Variants in PTPRD observed in about 807,000 individuals in gnomAD.
PTPRD encodes protein tyrosine phosphatase receptor type D.
In PTPRD, 34 loss-of-function variants were observed where a neutral mutation model predicts 214.5. That is an observed-to-expected ratio of 0.16 (90% CI 0.12 to 0.21). PTPRD has a LOEUF of 0.21. PTPRD is among the 10% of genes least tolerant of loss of function. PTPRD has a pLI of 1.00. For missense variants in PTPRD, 2,545 were observed against 2,398.7 expected (o/e 1.06, Z -1.27); for synonymous variants, 1,128 against 845.7 (o/e 1.33, Z -5.79).
intron 33 of PTPRD, among the ~76,000 whole-genome samples, chr9:8,456,059 G>A (rs892670535): frequency 1.3e-5 from 2 of 152,168 alleles, no homozygotes; most frequent in African/African-American, 4.8e-5. Flanking sequence ...GATATTGAGT[G>A]ATGGAGTCAA....
At chr9:9,893,119 C>A (rs979077909) in intron 5 of PTPRD, among the ~76,000 whole-genome samples, 1 of 151,950 alleles carries the variant, frequency 6.6e-6, no homozygotes, top group Non-Finnish European at 1.5e-5. Context: ...TGGAGAATAT[C>A]ACTATATAGA....
intron 14 of PTPRD, among the ~76,000 whole-genome samples, chr9:8,537,118 C>T (rs569694057): frequency 5.9e-5 from 9 of 151,936 alleles, no homozygotes; most frequent in Non-Finnish European, 1.3e-4. Context: ...GACATCATGA[C>T]CATTATTATT....
At chr9:9,442,845 G>C (rs1459885952) in intron 8 of PTPRD, among the ~76,000 whole-genome samples, 1 of 152,050 alleles carries the variant, frequency 6.6e-6, no homozygotes, top group Admixed American at 6.6e-5. Flanking sequence ...GAAATAAAGG[G>C]AATCTTTTTG....
chr9:10,414,857 T>C (rs1444872009), intron 2 of PTPRD, among the ~76,000 whole-genome samples: 1 of 151,900 alleles, frequency 6.6e-6, no homozygotes, highest in Admixed American at 6.6e-5. Flanking sequence ...AAATACCACA[T>C]GTTCTCAGTT....
At chr9:8,333,661 C>T (rs1206315060) in intron 43 of PTPRD, among the ~76,000 whole-genome samples, 1 of 152,106 alleles carries the variant, frequency 6.6e-6, no homozygotes, top group African/African-American at 2.4e-5. Context: ...GGCAAAATAA[C>T]CAGCCAGCAT....
intron 10 of PTPRD, among the ~76,000 whole-genome samples, chr9:9,163,384 T>C (rs2099894326): frequency 1.3e-5 from 2 of 152,112 alleles, no homozygotes; most frequent in Non-Finnish European, 2.9e-5. Flanking sequence ...TTGTGTTCTC[T>C]ATCTCAGAAA....
intron 7 of PTPRD, among the ~76,000 whole-genome samples, chr9:9,696,982 T>G (rs1474931522): frequency 6.6e-6 from 1 of 152,072 alleles, no homozygotes; most frequent in Non-Finnish European, 1.5e-5. Context: ...CTGTGAGGCT[T>G]ACAAAAACAT....
At chr9:9,372,912 G>T (rs1036675177) in intron 9 of PTPRD, among the ~76,000 whole-genome samples, 2 of 152,030 alleles carry the variant, frequency 1.3e-5, no homozygotes, top group African/African-American at 2.4e-5. Flanking sequence ...GGAATCACTT[G>T]GTCAAAGAGT....
chr9:9,189,207 G>A lies in PTPRD; in HGVS notation c.-202-5844C>T, dbSNP rs374580713. On this transcript the variant is annotated intron_variant, in intron 9 of 45. Coordinates refer to ENST00000381196, the MANE Select transcript of PTPRD (RefSeq NM_002839.4). ...TGATTATCACATAGAAGGTGCTTTT[G>A]AAAAAATATCCTCTAGAGTCAGGAA... Among the ~76,000 whole-genome samples, 128 of 152,030 alleles carry A rather than the reference G, an allele frequency of 8.4e-4. 2 individuals are homozygous for A. The East Asian group carries it at 0.023, about 27-fold the overall frequency.
chr9:10,182,406 T>C (rs2099302803), intron 3 of PTPRD, among the ~76,000 whole-genome samples: 2 of 151,988 alleles, frequency 1.3e-5, no homozygotes, highest in South Asian at 2.1e-4. Context: ...GTCTAAATTA[T>C]AGGGAATTAA....
chr9:9,312,837 C>T lies in PTPRD; in HGVS notation c.-203+84612G>A, dbSNP rs1959743896. Among the ~76,000 whole-genome samples, 3 of 152,134 alleles carry T rather than the reference C, an allele frequency of 2.0e-5. No individual in the cohort carries two copies. The South Asian group carries it at 6.2e-4, about 32-fold the overall frequency. On this transcript the variant is annotated intron_variant, in intron 9 of 45. Coordinates refer to ENST00000381196, the MANE Select transcript of PTPRD (RefSeq NM_002839.4). ...AACAATAAACAATGCAGCACAAAAG[C>T]ACTCAGCAAGCCTGCCATACTTGTG...
chr9:10,364,258 C>T (rs2097466744), intron 2 of PTPRD, among the ~76,000 whole-genome samples: 1 of 152,046 alleles, frequency 6.6e-6, no homozygotes, highest in South Asian at 2.1e-4. Context: ...GTCTTGGCCT[C>T]CCAAAGTGCT....
rs180870591 is a variant in PTPRD at position 10,185,788 on chromosome 9, G to T, written c.-544-151998C>A. On this transcript the variant is annotated intron_variant, in intron 3 of 45. Coordinates refer to ENST00000381196, the MANE Select transcript of PTPRD (RefSeq NM_002839.4). ...TTACTTGTGGAATCTACATATGAGGGTTGTGACCTAACTTGTTTCCTGGGA... is the reference window on the plus strand; with the variant it reads ...TTACTTGTGGAATCTACATATGAGGTTTGTGACCTAACTTGTTTCCTGGGA... Among the ~76,000 whole-genome samples the T allele has an allele frequency of 9.6e-3, 1,459 of 152,100 alleles. 20 individuals carry two copies. The highest frequency in any genetic ancestry group is 0.032 in the African/African-American group (1,343 of 41,494).
chr9:9,842,554 T>C (rs187187022), intron 5 of PTPRD, among the ~76,000 whole-genome samples: 2 of 152,102 alleles, frequency 1.3e-5, no homozygotes, highest in African/African-American at 4.8e-5. Context: ...AGAGACTAGA[T>C]GTCAGTATTA....
intron 3 of PTPRD, among the ~76,000 whole-genome samples, chr9:10,200,187 T>A (rs750867342): frequency 6.6e-6 from 1 of 151,772 alleles, no homozygotes; most frequent in Non-Finnish European, 1.5e-5. Context: ...TTTGACATAA[T>A]GCTAATTAAC....
At chr9:10,145,766 A>T (rs1446346595) in intron 3 of PTPRD, among the ~76,000 whole-genome samples, 1 of 152,154 alleles carries the variant, frequency 6.6e-6, no homozygotes, top group Non-Finnish European at 1.5e-5. Flanking sequence ...ACAGACATGT[A>T]TAACAGAAAA....
At chr9:8,768,111 A>C (rs2094903590) in intron 11 of PTPRD, among the ~76,000 whole-genome samples, 1 of 152,184 alleles carries the variant, frequency 6.6e-6, no homozygotes, top group Admixed American at 6.5e-5. Flanking sequence ...AAAAGATATT[A>C]AGTGTGGGCG....
In PTPRD at chr9:10,129,931, ATG is replaced by A. The variant is rs2098847058; in HGVS notation, c.-544-96143_-544-96142del. Among the ~76,000 whole-genome samples the A allele has an allele frequency of 2.7e-5, 4 of 148,682 alleles. No individual in the cohort carries two copies. In the South Asian group the frequency reaches 6.9e-4, roughly 25 times the overall value. On this transcript the variant is annotated intron_variant, in intron 3 of 45. Transcript: ENST00000381196. ...AGTTTGGTTTAGTGGAAATAACCAA[ATG>A]TTTTTTTTTAAATATTCTTTCCCTT...
At chr9:9,593,543 T>C (rs1206392863) in intron 7 of PTPRD, among the ~76,000 whole-genome samples, 1 of 151,884 alleles carries the variant, frequency 6.6e-6, no homozygotes, top group African/African-American at 2.4e-5. Flanking sequence ...AAAATGTTAA[T>C]ATGGAGGGAG....
Sources: gnomAD v4.1 joint callset for allele counts (sites outside exome capture counted in the v4.1 genomes callset) on GRCh38, gnomAD v4.1.1 for gene constraint, MANE v1.5 for transcripts, NCBI Gene and HGNC (gene_info 2026-07-23, HGNC 2026-07-21) for gene names.